The following EYA2 variants were observed in gnomAD, a reference collection of about 807,000 sequenced individuals.
The protein encoded by EYA2 is protein phosphatase EYA2.
A neutral mutation model predicts 69.2 loss-of-function variants in EYA2; 31 were observed. That is an observed-to-expected ratio of 0.45 (90% confidence interval 0.34 to 0.60). The LOEUF (loss-of-function observed/expected upper bound fraction) is 0.60. Ranked by LOEUF, EYA2 falls within the 20% of genes least tolerant of loss-of-function variation. EYA2 has a pLI of 0.02. For missense variants in EYA2, 622 were observed against 701.2 expected (o/e 0.89, Z 1.28); for synonymous variants, 257 against 279.4 (o/e 0.92, Z 0.80).
intron 10 of EYA2, among the ~76,000 whole-genome samples, chr20:47,149,688 CAAAAAAAAAA>C (rs59780173): frequency 9.7e-5 from 10 of 102,704 alleles, no homozygotes; most frequent in South Asian, 3.2e-4. Context: ...ACTAAAAATA[CAAAAAAAAAA>C]AAAAAAAAAA....
intron 1 of EYA2, among the ~76,000 whole-genome samples, chr20:46,988,002 CAAA>C (rs555665557): frequency 3.2e-5 from 2 of 61,600 alleles, no homozygotes; most frequent in African/African-American, 5.2e-5. Flanking sequence ...ATATATGGGG[CAAA>C]AAAAAAATAC....
intron 5 of EYA2, among the ~76,000 whole-genome samples, chr20:47,056,027 G>A (rs534292251): frequency 1.3e-5 from 2 of 152,254 alleles, no homozygotes; most frequent in South Asian, 4.1e-4. Context: ...CACAGTGACA[G>A]GGCAGCCTAT....
intron 9 of EYA2, among the ~76,000 whole-genome samples, chr20:47,108,475 C>CTCTTT (rs2032654310): frequency 6.6e-6 from 1 of 152,192 alleles, no homozygotes; most frequent in African/African-American, 2.4e-5. Context: ...CCAAATAAAC[C>CTCTTT]TCTTTTCTTT....
chr20:47,061,982 T>C (rs2030912093), intron 5 of EYA2, among the ~76,000 whole-genome samples: 1 of 152,192 alleles, frequency 6.6e-6, no homozygotes, highest in Non-Finnish European at 1.5e-5. Context: ...CTGTTCCTTC[T>C]TTCCACCTTG....
intron 5 of EYA2, among the ~76,000 whole-genome samples, chr20:47,069,327 C>T (rs1284905367): frequency 6.6e-6 from 1 of 152,056 alleles, no homozygotes; most frequent in African/African-American, 2.4e-5. Context: ...AACCCCATCT[C>T]TACTAAAAAT....
chr20:46,991,468 A>G (rs1437884608), intron 2 of EYA2, among the ~76,000 whole-genome samples: 1 of 152,216 alleles, frequency 6.6e-6, no homozygotes, highest in Non-Finnish European at 1.5e-5. Context: ...GGCATGGTGC[A>G]TGGTTAAATG....
At chr20:46,936,445 T>A (rs1985913362) in intron 1 of EYA2, among the ~76,000 whole-genome samples, 1 of 152,134 alleles carries the variant, frequency 6.6e-6, no homozygotes, top group Admixed American at 6.5e-5. Context: ...CCCTCCAGCT[T>A]GGGTGACAGA....
chr20:46,898,253 G>T (rs1465976806), intron 1 of EYA2, among the ~76,000 whole-genome samples: 1 of 136,702 alleles, frequency 7.3e-6, no homozygotes, highest in Non-Finnish European at 1.6e-5. Flanking sequence ...TTTTGTGTTG[G>T]TTTTTTTTTT....
chr20:47,083,168 T>C lies in EYA2; in HGVS notation c.662-6071T>C, dbSNP rs904342074. Among the ~76,000 whole-genome samples the C allele has an allele frequency of 4.6e-5, 7 of 151,966 alleles. No homozygotes were observed. The South Asian group carries it at 1.4e-3, about 31-fold the overall frequency. The stretch of plus-strand genomic sequence containing the variant: ...TCATACCACTGTACTCCAGCCTGGA[T>C]GACAGAGTAAGACCCTGTCTCCACA... On this transcript the variant is annotated intron_variant, in intron 7 of 15. Coordinates refer to ENST00000327619, the MANE Select transcript of EYA2 (RefSeq NM_005244.5).
chr20:47,169,132 T>C lies in EYA2; in HGVS notation c.979-7T>C, dbSNP rs765701333. 44 of 1,613,090 alleles carry C rather than the reference T, an allele frequency of 2.7e-5. No individual in the cohort carries two copies. The highest frequency in any genetic ancestry group is 5.0e-5 in the Admixed American group (3 of 59,988). On this transcript the variant is annotated splice_polypyrimidine_tract_variant and splice_region_variant and intron_variant, in intron 10 of 15. Coordinates refer to ENST00000327619, the MANE Select transcript of EYA2 (RefSeq NM_005244.5). ...CTCTCTCTCTCTCTCTGTCAAATTT[T>C]CCATAGGATTGTGACCAGATCCACG...
chr20:46,901,875 G>A (rs1984132436), intron 1 of EYA2: 1 of 152,288 alleles, frequency 6.6e-6, no homozygotes, highest in African/African-American at 2.4e-5. Flanking sequence ...ATGGAGCCCC[G>A]AAGATGATTC....
intron 12 of EYA2, among the ~76,000 whole-genome samples, chr20:47,173,856 G>A (rs899751985): frequency 1.3e-5 from 2 of 152,168 alleles, no homozygotes; most frequent in African/African-American, 4.8e-5. Flanking sequence ...GGTGGTCTTG[G>A]TATCACTGCA....
intron 5 of EYA2, among the ~76,000 whole-genome samples, chr20:47,068,083 CTTTATG>C (rs908321474): frequency 1.3e-5 from 2 of 152,176 alleles, no homozygotes; most frequent in African/African-American, 4.8e-5. Context: ...AGCCTACTAG[CTTTATG>C]ACTTGGGAAA....
intron 1 of EYA2, among the ~76,000 whole-genome samples, chr20:46,950,670 G>A (rs897443026): frequency 7.9e-5 from 12 of 152,340 alleles, no homozygotes; most frequent in African/African-American, 2.6e-4. Context: ...GGTTGTTTCT[G>A]TCACTGTGCA....
chr20:47,090,014 T>C (rs1404002610), intron 8 of EYA2, among the ~76,000 whole-genome samples: 1 of 152,072 alleles, frequency 6.6e-6, no homozygotes, highest in East Asian at 1.9e-4. Flanking sequence ...TTTCTGGGAT[T>C]CTGGGATTCT....
chr20:46,994,208 C>T (rs1035306687), intron 2 of EYA2, among the ~76,000 whole-genome samples: 2 of 152,206 alleles, frequency 1.3e-5, no homozygotes, highest in East Asian at 1.9e-4. Flanking sequence ...AATTTCCTTA[C>T]TGCGTTGTTG....
At chr20:47,180,777 C>T in intron 13 of EYA2, 38 bp from the exon 14 acceptor site, 1 of 1,604,886 alleles carries the variant, frequency 6.2e-7, no homozygotes, top group Non-Finnish European at 8.5e-7. Flanking sequence ...GCCTTGTGGT[C>T]CCTCTGAGTT....
intron 5 of EYA2, among the ~76,000 whole-genome samples, chr20:47,017,443 T>G (rs1983478061): frequency 6.6e-6 from 1 of 152,238 alleles, no homozygotes; most frequent in Non-Finnish European, 1.5e-5. Context: ...GATAGTATTT[T>G]TCTTTTAAAA....
chr20:46,947,015 A>G (rs865816441), intron 1 of EYA2, among the ~76,000 whole-genome samples: 5 of 152,182 alleles, frequency 3.3e-5, no homozygotes, highest in African/African-American at 1.2e-4. Context: ...TGTGTTATCT[A>G]TGGCTGCTTT....
Sources: allele counts gnomAD v4.1 joint callset (sites outside exome capture counted in the v4.1 genomes callset), GRCh38; gene constraint gnomAD v4.1.1; transcripts MANE v1.5; gene names NCBI Gene and HGNC (gene_info 2026-07-23, HGNC 2026-07-21).